DOCK3: variants seen among roughly 807,000 people sequenced by gnomAD.
The protein encoded by DOCK3 is dedicator of cytokinesis 3, also known as dedicator of cytokinesis protein 3.
DOCK3 carries 60 observed loss-of-function variants against 265.6 expected under a neutral mutation model. The observed-to-expected ratio is 0.23, with a 90% CI of 0.18 to 0.28. DOCK3 has a LOEUF of 0.28. DOCK3 is among the 10% of genes least tolerant of loss of function. DOCK3 has a pLI of 1.00. For missense variants in DOCK3, 1,981 were observed against 2,594.3 expected, an observed-to-expected ratio of 0.76 and a Z score of 5.14; for synonymous variants, 881 against 938.0, an observed-to-expected ratio of 0.94 and a Z score of 1.11.
intron 3 of DOCK3, among the ~76,000 whole-genome samples, chr3:50,856,428 A>G (rs1404135908): frequency 6.6e-6 from 1 of 150,560 alleles, no homozygotes; most frequent in African/African-American, 2.4e-5. Context: ...GCATTTCTCT[A>G]TGATCAGTGA....
chr3:50,787,711 C>T, intron 2 of DOCK3: 6 of 1,280,600 alleles, frequency 4.7e-6, no homozygotes, highest in Non-Finnish European at 6.7e-6. Context: ...GGCAGCTCTC[C>T]TCATTCTTCT....
chr3:50,902,055 C>T (rs1043382976), intron 4 of DOCK3, among the ~76,000 whole-genome samples: 18 of 152,074 alleles, frequency 1.2e-4, no homozygotes, highest in Admixed American at 3.3e-4. Flanking sequence ...GTCATTTGCC[C>T]GCTTTTTAGT....
intron 9 of DOCK3, among the ~76,000 whole-genome samples, chr3:51,092,636 C>CCTCCTA (rs113250311): frequency 0.018 from 2,719 of 152,190 alleles, 60 homozygotes; most frequent in African/African-American, 0.045. Flanking sequence ...GAGCAGCGGA[C>CCTCCTA]CTCCTAGCAC....
chr3:50,894,420 G>GC (rs1340224293), intron 4 of DOCK3, among the ~76,000 whole-genome samples: 3 of 152,158 alleles, frequency 2.0e-5, no homozygotes, highest in African/African-American at 4.8e-5. Context: ...ATAAACAAAA[G>GC]CTGAGGGAGT....
chr3:51,113,026 T>C (rs201295007), intron 9 of DOCK3, among the ~76,000 whole-genome samples: 3 of 11,890 alleles, frequency 2.5e-4, no homozygotes, highest in Non-Finnish European at 5.1e-4. Flanking sequence ...TGAGATTATA[T>C]CTATAATATT....
chr3:51,067,937 T>C (rs1026055593), intron 6 of DOCK3, among the ~76,000 whole-genome samples: 1 of 152,232 alleles, frequency 6.6e-6, no homozygotes, highest in Non-Finnish European at 1.5e-5. Flanking sequence ...GTTCCCATTT[T>C]ATTCTGATAG....
At position 51,356,160 on chromosome 3, in the gene DOCK3, C is replaced by G. The variant is rs1453192129; in HGVS notation, c.4321C>G (p.Arg1441Gly). 5 of 1,613,862 alleles carry G rather than the reference C, an allele frequency of 3.1e-6. No homozygotes were observed. Among genetic ancestry groups the G allele is most frequent in the African/African-American group, 2.7e-5 (2 of 74,914 alleles). The change falls in exon 42 of 53, where the codon CGA (arginine) becomes GGA (glycine). Residue 1441 changes from arginine to glycine, a missense_variant. Around this residue, in one of 4 missense-constraint regions of DOCK3, gnomAD observed 1,357 missense variants for 1,866.8 expected, o/e 0.73. Coordinates refer to ENST00000266037, the MANE Select transcript of DOCK3 (RefSeq NM_004947.5). ...TCTGCAGATGGATAGGGTACCAGAT[C>G]GAGTCAAGAGCTTCTATCGCGTCAA... ...DVLQMDRVPD[R>G]VKSFYRVNNV...
intron 38 of DOCK3, among the ~76,000 whole-genome samples, chr3:51,343,921 G>C (rs889865909): frequency 6.6e-6 from 1 of 152,240 alleles, no homozygotes; most frequent in Non-Finnish European, 1.5e-5. Context: ...CTGGTCCACA[G>C]ACAGTCAGCT....
intron 12 of DOCK3, among the ~76,000 whole-genome samples, chr3:51,161,600 G>C (rs1393600815): frequency 6.6e-6 from 1 of 152,140 alleles, no homozygotes; most frequent in Non-Finnish European, 1.5e-5. Flanking sequence ...GTGAAAATCT[G>C]GTAGTACACA....
chr3:50,976,694 T>C (rs1423905812), intron 5 of DOCK3, among the ~76,000 whole-genome samples: 11 of 151,940 alleles, frequency 7.2e-5, no homozygotes, highest in African/African-American at 2.4e-4. Context: ...TTGCTGGGTA[T>C]CCTTGTTGAC....
intron 4 of DOCK3, among the ~76,000 whole-genome samples, chr3:50,903,243 T>C (rs2049297710): frequency 6.6e-6 from 1 of 152,200 alleles, no homozygotes; most frequent in South Asian, 2.1e-4. Flanking sequence ...CTTCTTGTCC[T>C]AGTTTTCACA....
At chr3:50,810,943 G>C (rs576954385) in intron 2 of DOCK3, among the ~76,000 whole-genome samples, 11 of 152,200 alleles carry the variant, frequency 7.2e-5, no homozygotes, top group Non-Finnish European at 4.4e-5. Flanking sequence ...GTATGTTCAT[G>C]ATCTGTATTT....
intron 22 of DOCK3, among the ~76,000 whole-genome samples, chr3:51,257,425 C>T (rs1481609691): frequency 6.6e-6 from 1 of 152,182 alleles, no homozygotes; most frequent in African/African-American, 2.4e-5. Flanking sequence ...CCTTCAGAAG[C>T]ATGACCTTAA....
chr3:51,271,112 T>C, intron 24 of DOCK3, 105 bp downstream of exon 24: 1 of 1,314,938 alleles, frequency 7.6e-7, no homozygotes, highest in Non-Finnish European at 1.0e-6. Flanking sequence ...CCTCAACGAT[T>C]ATGCAAGAAA....
chr3:51,161,568 A>G (rs1438299248), intron 12 of DOCK3, among the ~76,000 whole-genome samples: 1 of 152,228 alleles, frequency 6.6e-6, no homozygotes, highest in Non-Finnish European at 1.5e-5. Flanking sequence ...AAACAGCTTC[A>G]TTTGGGACCT....
intron 5 of DOCK3, among the ~76,000 whole-genome samples, chr3:50,951,797 A>G (rs993212305): frequency 1.3e-5 from 2 of 152,130 alleles, no homozygotes; most frequent in African/African-American, 4.8e-5. Flanking sequence ...GACTGAAAAA[A>G]AAAATAATAC....
intron 38 of DOCK3, among the ~76,000 whole-genome samples, chr3:51,348,329 G>A (rs2085735994): frequency 1.3e-5 from 2 of 152,154 alleles, no homozygotes; most frequent in South Asian, 4.1e-4. Context: ...CCTTGAGTAG[G>A]CATTTTCTTC....
At chr3:50,885,718 A>G (rs1275506716) in intron 3 of DOCK3, among the ~76,000 whole-genome samples, 3 of 152,028 alleles carry the variant, frequency 2.0e-5, no homozygotes, top group African/African-American at 7.2e-5. Flanking sequence ...GGAGCTTGTT[A>G]TTACCTACTG....
At position 51,090,352 on chromosome 3, in the gene DOCK3, C is replaced by T. The variant is rs1310164614; in HGVS notation, c.714C>T (p.Ser238=). The change falls in exon 9 of 53, where the codon TCC becomes TCT. Residue 238 remains serine (S), a synonymous_variant. Coordinates refer to ENST00000266037, the MANE Select transcript of DOCK3 (RefSeq NM_004947.5). The part of the protein sequence containing the change: ...TIGEDTDVFF[S]LYDMREGKQI... Reference sequence around the variant, plus strand: ...GGGAAGATACCGATGTCTTCTTTTCCTTATATGACATGAGGGAAGGCAAGC... The same window carrying T: ...GGGAAGATACCGATGTCTTCTTTTCTTTATATGACATGAGGGAAGGCAAGC... 6.2e-7 allele frequency: 1 copy of T among 1,606,526 alleles called. No homozygotes were observed. Among genetic ancestry groups the T allele is most frequent in the Admixed American group, 1.7e-5 (1 of 58,998 alleles).
Sources: gnomAD v4.1 joint callset for allele counts (sites outside exome capture counted in the v4.1 genomes callset) on GRCh38, gnomAD v4.1.1 for gene constraint, gnomAD v4.1.1 regional missense constraint, MANE v1.5 for transcripts, NCBI Gene and HGNC (gene_info 2026-07-23, HGNC 2026-07-21) for gene names.